Variants in GRM8 observed in about 807,000 individuals in gnomAD.
GRM8 encodes metabotropic glutamate receptor 8.
Under a neutral mutation model 87.2 loss-of-function variants are expected in GRM8, and 47 were observed. The observed-to-expected ratio is 0.54, with a 90% CI of 0.43 to 0.69. The LOEUF (loss-of-function observed/expected upper bound fraction) is 0.69, where lower values mean the gene tolerates loss of function less well. Ranked by LOEUF, GRM8 falls within the 30% of genes least tolerant of loss-of-function variation. The pLI is 0.00. For missense variants in GRM8, 1,019 were observed against 1,139.2 expected (o/e 0.89, Z 1.52); for synonymous variants, 396 against 404.5 (o/e 0.98, Z 0.25).
At chr7:126,749,915 T>C (rs1337032510) in intron 7 of GRM8, among the ~76,000 whole-genome samples, 1 of 152,188 alleles carries the variant, frequency 6.6e-6, no homozygotes. Context: ...ATGGTCACTT[T>C]AGAAAACAGT....
intron 9 of GRM8, among the ~76,000 whole-genome samples, chr7:126,526,065 A>G (rs1010014127): frequency 1.3e-5 from 2 of 152,162 alleles, no homozygotes; most frequent in African/African-American, 4.8e-5. Context: ...TAAAAAATAT[A>G]TATATATGTG....
intron 6 of GRM8, among the ~76,000 whole-genome samples, chr7:126,786,617 A>T (rs979411299): frequency 1.3e-5 from 2 of 152,130 alleles, no homozygotes; most frequent in Non-Finnish European, 2.9e-5. Context: ...TTATAAGTAG[A>T]TTTATGTCCT....
rs377649502 is a variant in GRM8, at chr7:126,904,643, T to A, written c.768A>T (p.Glu256Asp). 2 of 1,613,706 alleles carry A rather than the reference T, an allele frequency of 1.2e-6. No homozygotes were observed. The highest frequency in any genetic ancestry group is 1.7e-6 in the Non-Finnish European group (2 of 1,179,614). ...CIAQSQKIPR[E>D]PRPGEFEKII... is the part of the protein sequence containing the mutation. Reference sequence around the variant, plus strand: ...TTTTTTCAAATTCTCCAGGTCTTGGTTCACGTGGGATTTTCTGTGACTGAG... The same window carrying A: ...TTTTTTCAAATTCTCCAGGTCTTGGATCACGTGGGATTTTCTGTGACTGAG... Residue 256 changes from glutamate (E) to aspartate (D), a missense_variant, in exon 4 of 11, where the codon GAA (glutamate) becomes GAT (aspartate). Glu to Asp is a conservative substitution (Grantham distance 45, BLOSUM62 2). Coordinates refer to ENST00000339582, the MANE Select transcript of GRM8 (RefSeq NM_000845.3).
intron 3 of GRM8, among the ~76,000 whole-genome samples, chr7:127,085,445 C>T (rs1823372473): frequency 1.3e-5 from 2 of 152,190 alleles, no homozygotes; most frequent in African/African-American, 2.4e-5. Flanking sequence ...TAAAGGCATT[C>T]CTATTTCTCC....
chr7:126,587,845 T>G (rs1023919967), intron 8 of GRM8, among the ~76,000 whole-genome samples: 5 of 148,802 alleles, frequency 3.4e-5, no homozygotes, highest in Non-Finnish European at 6.0e-5. Flanking sequence ...AAAAAAGTAA[T>G]GTGAAGTATG....
chr7:127,047,583 C>A (rs1457332676), intron 3 of GRM8, among the ~76,000 whole-genome samples: 2 of 152,008 alleles, frequency 1.3e-5, no homozygotes, highest in South Asian at 2.1e-4. Flanking sequence ...TAATCCAGCA[C>A]TTTAGGAGGC....
intron 9 of GRM8, among the ~76,000 whole-genome samples, chr7:126,474,984 C>T (rs1190014070): frequency 6.6e-6 from 1 of 152,070 alleles, no homozygotes; most frequent in Admixed American, 6.6e-5. Flanking sequence ...AGATCCTCAA[C>T]ATAACAAATG....
chr7:127,068,619 G>A (rs1451138607), intron 3 of GRM8, among the ~76,000 whole-genome samples: 1 of 152,184 alleles, frequency 6.6e-6, no homozygotes, highest in Non-Finnish European at 1.5e-5. Context: ...CAGAGCACAA[G>A]GTCAGAGCTG....
chr7:126,458,022 C>A (rs202176343), intron 9 of GRM8, among the ~76,000 whole-genome samples: 120 of 136,184 alleles, frequency 8.8e-4, no homozygotes, highest in African/African-American at 7.0e-4. Context: ...TGTTGTTAGC[C>A]AAAAAAAAAA....
chr7:126,475,021 G>T (rs1185638603), intron 9 of GRM8, among the ~76,000 whole-genome samples: 2 of 152,102 alleles, frequency 1.3e-5, no homozygotes, highest in African/African-American at 4.8e-5. Flanking sequence ...CACAGCTAAT[G>T]TCATACTTCA....
In GRM8 at chr7:127,044,429, G is replaced by T. The variant is rs187723655; in HGVS notation, c.727+62067C>A. 2.3e-3 allele frequency among the ~76,000 whole-genome samples: 348 copies of T among 152,164 alleles called. 4 individuals are homozygous for T. The highest frequency in any genetic ancestry group is 8.1e-3 in the African/African-American group (335 of 41,518). Reference sequence around the variant, plus strand: ...GCATCTACTTTTCCACATGGGACATGAAATTGAGTCTATTTAAAAGTTCTG... The same window carrying T: ...GCATCTACTTTTCCACATGGGACATTAAATTGAGTCTATTTAAAAGTTCTG... On this transcript the variant is annotated intron_variant, in intron 3 of 10. Transcript: ENST00000339582.
chr7:127,059,250 G>A (rs1820347620), intron 3 of GRM8, among the ~76,000 whole-genome samples: 2 of 151,604 alleles, frequency 1.3e-5, no homozygotes, highest in East Asian at 3.9e-4. Flanking sequence ...ACATGTGGGA[G>A]ACACCAAAGT....
At position 127,008,782 on chromosome 7, in the gene GRM8, T is replaced by G. The variant is rs113057067; in HGVS notation, c.727+97714A>C. On this transcript the variant is annotated intron_variant, in intron 3 of 10. Transcript: ENST00000339582. The stretch of plus-strand genomic sequence containing the variant: ...TCAATCATTGGTCATGACAGTATAT[T>G]CTATATAGTTGAAGGCTGCTTTCTA... Among the ~76,000 whole-genome samples the G allele has an allele frequency of 4.2e-3, 642 of 152,224 alleles. 5 individuals are homozygous for G. Among genetic ancestry groups the G allele is most frequent in the Non-Finnish European group, 6.9e-3 (469 of 67,978 alleles).
At chr7:126,720,641 C>T (rs1235533233) in intron 7 of GRM8, among the ~76,000 whole-genome samples, 2 of 152,060 alleles carry the variant, frequency 1.3e-5, no homozygotes, top group African/African-American at 2.4e-5. Flanking sequence ...CTTTACAATT[C>T]CAAGATTCAT....
chr7:126,644,870 C>T (rs948021653), intron 7 of GRM8, among the ~76,000 whole-genome samples: 1 of 152,176 alleles, frequency 6.6e-6, no homozygotes, highest in East Asian at 1.9e-4. Context: ...CTAATGTCTC[C>T]CTGTTCTGAG....
At chr7:126,770,980 A>G (rs1318117367) in intron 6 of GRM8, among the ~76,000 whole-genome samples, 3 of 152,048 alleles carry the variant, frequency 2.0e-5, no homozygotes, top group African/African-American at 7.2e-5. Context: ...TGTTGGGCAT[A>G]CAAGAAAAAA....
chr7:126,644,193 T>C (rs1198101846), intron 7 of GRM8, among the ~76,000 whole-genome samples: 1 of 152,216 alleles, frequency 6.6e-6, no homozygotes, highest in Non-Finnish European at 1.5e-5. Context: ...TGGAATGAAG[T>C]TTAATATTAA....
intron 3 of GRM8, among the ~76,000 whole-genome samples, chr7:127,004,604 T>A (rs774137552): frequency 2.0e-5 from 3 of 151,616 alleles, no homozygotes; most frequent in Non-Finnish European, 4.4e-5. Flanking sequence ...TAAATGATCA[T>A]CTGTAAGAAA....
intron 6 of GRM8, among the ~76,000 whole-genome samples, chr7:126,891,658 A>G (rs1586344513): frequency 1.3e-5 from 2 of 151,938 alleles, no homozygotes; most frequent in East Asian, 3.9e-4. Flanking sequence ...TTCTGCTCAT[A>G]TTTTAGTCTC....
Sources: allele counts gnomAD v4.1 joint callset (sites outside exome capture counted in the v4.1 genomes callset), GRCh38; gene constraint gnomAD v4.1.1; transcripts MANE v1.5; gene names NCBI Gene and HGNC (gene_info 2026-07-23, HGNC 2026-07-21).